Variants in NLGN4Y observed in about 807,000 individuals in gnomAD.
NLGN4Y encodes the protein neuroligin 4 Y-linked.
A neutral mutation model predicts 8.4 loss-of-function variants in NLGN4Y; 4 were observed. The observed-to-expected ratio is 0.48, with a 90% CI of 0.23 to 1.09. The LOEUF is 1.09. NLGN4Y is among the 50% of genes least tolerant of loss of function. The probability of loss-of-function intolerance (pLI) is 0.19; values close to 1 mark genes in which losing one functional copy is unlikely to be tolerated. For missense variants in NLGN4Y, 90 were observed against 192.3 expected, an observed-to-expected ratio of 0.47 and a Z score of 3.15; for synonymous variants, 35 against 75.6, an observed-to-expected ratio of 0.46 and a Z score of 2.78.
At chrY:14,617,380 G>A (rs2080494308) in intron 1 of NLGN4Y, among the ~76,000 whole-genome samples, 2 of 22,577 alleles carry the variant, frequency 8.9e-5, no homozygotes, top group Non-Finnish European at 9.3e-5. Flanking sequence ...GTCTTTGCAC[G>A]TGAGATGGGT....
intron 2 of NLGN4Y, among the ~76,000 whole-genome samples, chrY:14,717,122 T>G (rs2080917964): frequency 3.0e-5 from 1 of 33,599 alleles, no homozygotes; most frequent in South Asian, 6.7e-4. Context: ...GGCCGGGCGC[T>G]GTGGCTCACG....
chrY:14,613,318 G>A (rs1030457531), intron 1 of NLGN4Y, among the ~76,000 whole-genome samples: 1 of 32,666 alleles, frequency 3.1e-5, no homozygotes, highest in Non-Finnish European at 7.5e-5. Context: ...GTCTCACTGC[G>A]GTTCCAGGCA....
chrY:14,723,752 A>G (rs2080946312), intron 4 of NLGN4Y, among the ~76,000 whole-genome samples: 1 of 33,329 alleles, frequency 3.0e-5, no homozygotes, highest in Non-Finnish European at 7.4e-5. Flanking sequence ...GATTTTATCC[A>G]GTTCCCTAAC....
chrY:14,799,365 C>T, intron 4 of NLGN4Y, among the ~76,000 whole-genome samples: 1 of 33,699 alleles, frequency 3.0e-5, no homozygotes, highest in Non-Finnish European at 7.3e-5. Flanking sequence ...GTTGTACTCT[C>T]TGCAGAATGG....
rs745916782 is a variant in NLGN4Y, at chrY:14,845,417, C to T, written c.*4155C>T. On this transcript the variant is annotated 3_prime_UTR_variant, in exon 7 of 7. Transcript: ENST00000684976. Reference sequence around the variant, plus strand: ...TTCCTCTGTGTGTGTGTGTGTATTACATTACTGCTTTTTATCTGTGAAATC... The same window carrying T: ...TTCCTCTGTGTGTGTGTGTGTATTATATTACTGCTTTTTATCTGTGAAATC... The T allele has an allele frequency of 3.0e-5, 1 of 33,097 alleles. No individual in the cohort carries two copies. The highest frequency in any genetic ancestry group is 2.8e-4 in the Admixed American group (1 of 3,576). 8.3% of individuals were successfully genotyped at this position (33,097 alleles called of 400,897 possible).
chrY:14,738,422 C>T (rs944132057), intron 4 of NLGN4Y, among the ~76,000 whole-genome samples: 1 of 32,665 alleles, frequency 3.1e-5, no homozygotes, highest in Non-Finnish European at 7.5e-5. Flanking sequence ...TCATTGGAAT[C>T]CCATTGGTTT....
intron 2 of NLGN4Y, among the ~76,000 whole-genome samples, chrY:14,696,783 T>C (rs564647143): frequency 3.0e-5 from 1 of 32,965 alleles, no homozygotes; most frequent in East Asian, 8.1e-4. Context: ...TTACTGAGCA[T>C]AATTTATAAA....
intron 2 of NLGN4Y, among the ~76,000 whole-genome samples, chrY:14,686,987 G>T: frequency 3.1e-5 from 1 of 32,372 alleles, no homozygotes. Flanking sequence ...GTAGAGATTG[G>T]GTCTTGCTAT....
intron 3 of NLGN4Y, among the ~76,000 whole-genome samples, chrY:14,721,682 G>GA (rs2080935275): frequency 3.2e-5 from 1 of 31,478 alleles, no homozygotes; most frequent in Non-Finnish European, 7.7e-5. Flanking sequence ...ATTATGAGGG[G>GA]AAAAAAATCT....
intron 1 of NLGN4Y, among the ~76,000 whole-genome samples, chrY:14,571,382 G>T: frequency 3.0e-5 from 1 of 33,733 alleles, no homozygotes; most frequent in Admixed American, 2.7e-4. Flanking sequence ...TCTGTTGGTG[G>T]CATAAATATC....
chrY:14,643,097 G>A, intron 2 of NLGN4Y, among the ~76,000 whole-genome samples: 1 of 33,425 alleles, frequency 3.0e-5, no homozygotes, highest in African/African-American at 1.2e-4. Flanking sequence ...AATTTTAGTT[G>A]CATGCCAACC....
intron 1 of NLGN4Y, among the ~76,000 whole-genome samples, chrY:14,571,605 G>C (rs2080270277): frequency 6.0e-5 from 2 of 33,247 alleles, no homozygotes; most frequent in African/African-American, 1.2e-4. Flanking sequence ...AGTTTAATTA[G>C]ATCCCATTTG....
At chrY:14,533,733 AGCTTT>A (rs2080121825) in intron 1 of NLGN4Y, among the ~76,000 whole-genome samples, 1 of 32,824 alleles carries the variant, frequency 3.0e-5, no homozygotes, top group Admixed American at 2.8e-4. Flanking sequence ...TTTGTCCTAG[AGCTTT>A]GCCTCCCCCT....
chrY:14,812,473 GA>G (rs2043084782), intron 4 of NLGN4Y, among the ~76,000 whole-genome samples: 1 of 33,291 alleles, frequency 3.0e-5, no homozygotes, highest in Non-Finnish European at 7.4e-5. Flanking sequence ...TCATTTTAGG[GA>G]GAGTAAAACT....
chrY:14,779,176 A>G, intron 4 of NLGN4Y, among the ~76,000 whole-genome samples: 1 of 32,862 alleles, frequency 3.0e-5, no homozygotes, highest in Non-Finnish European at 7.5e-5. Context: ...TGATCTCCCA[A>G]TATGCTCATA....
At chrY:14,722,686 T>G (rs9786166) in intron 3 of NLGN4Y, among the ~76,000 whole-genome samples, 1 of 21,671 alleles carries the variant, frequency 4.6e-5, no homozygotes, top group Non-Finnish European at 1.0e-4. Flanking sequence ...GCTAAAACGG[T>G]GAAACCCCGT....
chrY:14,625,148 A>G, intron 2 of NLGN4Y, among the ~76,000 whole-genome samples: 1 of 33,691 alleles, frequency 3.0e-5, no homozygotes, highest in Non-Finnish European at 7.3e-5. Flanking sequence ...TCTTTGTAGT[A>G]CAATAGTTTC....
chrY:14,524,907 G>A, intron 1 of NLGN4Y, 199 bp downstream of exon 1: 1 of 121,971 alleles, frequency 8.2e-6, no homozygotes, highest in Non-Finnish European at 1.8e-5. Context: ...CTCCCAGCCT[G>A]ACCTGGCTCT....
At chrY:14,701,550 C>G (rs2150544140) in intron 2 of NLGN4Y, among the ~76,000 whole-genome samples, 1 of 33,382 alleles carries the variant, frequency 3.0e-5, no homozygotes, top group South Asian at 6.6e-4. Flanking sequence ...TGAAATCAAA[C>G]TGTCCATAGA....
Sources: allele counts gnomAD v4.1 joint callset (sites outside exome capture counted in the v4.1 genomes callset), GRCh38; gene constraint gnomAD v4.1.1; transcripts MANE v1.5; gene names NCBI Gene and HGNC (gene_info 2026-07-23, HGNC 2026-07-21).